The following PEPD variants were observed in gnomAD, a reference collection of about 807,000 sequenced individuals.
PEPD encodes the protein xaa-Pro dipeptidase.
PEPD carries 53 observed loss-of-function variants against 60.7 expected under a neutral mutation model. The observed-to-expected ratio is 0.87, with a 90% confidence interval of 0.70 to 1.10. The LOEUF (loss-of-function observed/expected upper bound fraction) is 1.10. PEPD is among the 50% of genes least tolerant of loss of function. PEPD has a pLI of 0.00. For missense variants in PEPD, 711 were observed against 711.9 expected, an observed-to-expected ratio of 1.00 and a Z score of 0.01; for synonymous variants, 267 against 284.1, an observed-to-expected ratio of 0.94 and a Z score of 0.60.
In PEPD at chr19:33,401,840, C is replaced by G. The variant is rs1968501773; in HGVS notation, c.848G>C (p.Cys283Ser). 2 of 1,613,288 alleles carry G rather than the reference C, an allele frequency of 1.2e-6. No homozygotes were observed. Among genetic ancestry groups the G allele is most frequent in the Non-Finnish European group, 1.7e-6 (2 of 1,179,970 alleles). ...CLFDMGGEYY[C>S]FASDITCSFP... is the part of the protein sequence containing the mutation. ...GGAGCAGGTGATGTCGGAAGCGAAG[C>G]AGTAATACTCACCGCCCATGTCGAA... Residue 283 changes from cysteine (C) to serine (S), a missense_variant, in exon 12 of 15, where the codon TGC becomes TCC. Physicochemically the swap from Cys to Ser is moderately radical, Grantham distance 112. Coordinates refer to ENST00000244137, the MANE Select transcript of PEPD (RefSeq NM_000285.4).
chr19:33,387,189 C>A lies in PEPD; in HGVS notation c.*155G>T. ...GGTAATTAAAAAAGTGTTTCCTCCC[C>A]GGGAAACAGCACTGTTTGGTCTGAT... On this transcript the variant is annotated 3_prime_UTR_variant, in exon 15 of 15. Coordinates refer to ENST00000244137, the MANE Select transcript of PEPD (RefSeq NM_000285.4). 3.6e-6 allele frequency: 3 copies of A among 831,668 alleles called. No homozygotes were observed. The highest frequency in any genetic ancestry group is 2.5e-5 in the East Asian group (1 of 40,150). The allele number at this position is 831,668 out of a possible 1,614,324, so 51.5% of individuals were successfully genotyped here.
intron 9 of PEPD, among the ~76,000 whole-genome samples, chr19:33,447,281 A>C (rs555899336): frequency 1.6e-4 from 25 of 152,286 alleles, no homozygotes; most frequent in Admixed American, 1.6e-3. Context: ...CCAGTGCCGG[A>C]TGACTGTGGG....
intron 12 of PEPD, among the ~76,000 whole-genome samples, chr19:33,397,614 G>A (rs1414990471): frequency 2.0e-5 from 3 of 151,808 alleles, no homozygotes; most frequent in Non-Finnish European, 4.4e-5. Flanking sequence ...GGTGTGGGGG[G>A]GCTGCTGGGG....
chr19:33,510,623 G>A (rs1464204811), intron 3 of PEPD, among the ~76,000 whole-genome samples: 1 of 152,222 alleles, frequency 6.6e-6, no homozygotes, highest in Non-Finnish European at 1.5e-5. Context: ...CATGTTGCCA[G>A]GAACATGTGA....
At chr19:33,450,666 C>T (rs763512277) in intron 9 of PEPD, among the ~76,000 whole-genome samples, 23 of 152,110 alleles carry the variant, frequency 1.5e-4, no homozygotes, top group Non-Finnish European at 2.6e-4. Context: ...ACTAAATAAC[C>T]GTTGGTAAAA....
chr19:33,493,707 C>T (rs1482258151), intron 4 of PEPD, among the ~76,000 whole-genome samples: 1 of 152,120 alleles, frequency 6.6e-6, no homozygotes, highest in Non-Finnish European at 1.5e-5. Context: ...CCCGGGAACC[C>T]TTTAGGCTCC....
At chr19:33,438,950 G>C (rs1969431778) in intron 9 of PEPD, among the ~76,000 whole-genome samples, 1 of 152,172 alleles carries the variant, frequency 6.6e-6, no homozygotes, top group Admixed American at 6.5e-5. Context: ...GAACTCCTAA[G>C]CTCAAGTGAT....
chr19:33,463,365 G>T (rs1033138132), intron 8 of PEPD, among the ~76,000 whole-genome samples: 1 of 152,210 alleles, frequency 6.6e-6, no homozygotes, highest in Non-Finnish European at 1.5e-5. Flanking sequence ...TTAATGCCAC[G>T]AAAGCTATGA....
In PEPD at chr19:33,413,613, G is replaced by C. The variant is rs753617751; in HGVS notation, c.702C>G (p.Gly234=). The C allele has an allele frequency of 2.5e-6, 4 of 1,588,420 alleles. No individual in the cohort carries two copies. The highest frequency in any genetic ancestry group is 3.4e-6 in the Non-Finnish European group (4 of 1,167,044). ...AGGTGTAGGAGCTGTGGCGCATGCC[G>C]CCCCGGGAGTAGCAGTAGTGCTCGA... ...SLFEHYCYSR[G]GMRHSSYTCI... Residue 234 remains glycine (G), a synonymous_variant, in exon 10 of 15, where the codon GGC becomes GGG. Coordinates refer to ENST00000244137, the MANE Select transcript of PEPD (RefSeq NM_000285.4).
At chr19:33,441,315 C>T (rs1050100015) in intron 9 of PEPD, among the ~76,000 whole-genome samples, 5 of 152,220 alleles carry the variant, frequency 3.3e-5, no homozygotes, top group African/African-American at 1.2e-4. Context: ...GCCACATGCA[C>T]CTCATTACAA....
chr19:33,458,141 G>A (rs1347004592), intron 9 of PEPD, among the ~76,000 whole-genome samples: 2 of 151,818 alleles, frequency 1.3e-5, no homozygotes, highest in African/African-American at 4.8e-5. Context: ...GGTATGTATG[G>A]TGTGGTGTGT....
intron 10 of PEPD, among the ~76,000 whole-genome samples, chr19:33,412,407 C>T (rs540342142): frequency 5.9e-5 from 9 of 152,274 alleles, no homozygotes; most frequent in Non-Finnish European, 8.8e-5. Context: ...AAGGGCCCTA[C>T]GGAACCCCTC....
chr19:33,492,904 G>A (rs972803901), intron 5 of PEPD, among the ~76,000 whole-genome samples: 5 of 152,002 alleles, frequency 3.3e-5, no homozygotes, highest in Non-Finnish European at 7.4e-5. Flanking sequence ...TTGAGACAGG[G>A]TCCTGTCTGT....
At chr19:33,505,726 C>T (rs749655003) in intron 3 of PEPD, among the ~76,000 whole-genome samples, 5 of 150,974 alleles carry the variant, frequency 3.3e-5, no homozygotes, top group Admixed American at 3.3e-4. Flanking sequence ...CAACACGGCA[C>T]ACTCACACCC....
chr19:33,471,671 A>T (rs117524293), intron 7 of PEPD, among the ~76,000 whole-genome samples: 1,683 of 152,328 alleles, frequency 0.011, 26 homozygotes, highest in South Asian at 0.071. Context: ...CCAGGAAGCA[A>T]CAGAGAATCA....
chr19:33,458,923 G>A (rs373550420), intron 9 of PEPD, among the ~76,000 whole-genome samples: 5 of 151,528 alleles, frequency 3.3e-5, no homozygotes, highest in South Asian at 4.2e-4. Flanking sequence ...CCCTCAGGTC[G>A]TGTCCCCTCT....
At chr19:33,501,284 C>T (rs1970708616) in intron 3 of PEPD, among the ~76,000 whole-genome samples, 1 of 152,234 alleles carries the variant, frequency 6.6e-6, no homozygotes, top group African/African-American at 2.4e-5. Context: ...AGACAAAACC[C>T]CTATCATCCC....
intron 5 of PEPD, 27 bp downstream of exon 5, chr19:33,493,263 C>T (rs1970534391): frequency 6.4e-7 from 1 of 1,572,016 alleles, no homozygotes; most frequent in South Asian, 1.1e-5. Context: ...CCAAGCACTG[C>T]CCCACCCCTG....
rs147121066 is a variant in PEPD at position 33,396,771 on chromosome 19, G to A, written c.967+4950C>T. 3.6e-3 allele frequency among the ~76,000 whole-genome samples: 547 copies of A among 152,222 alleles called. 4 individuals carry two copies. The highest frequency in any genetic ancestry group is 5.7e-3 in the Non-Finnish European group (388 of 67,982). On this transcript the variant is annotated intron_variant, in intron 12 of 14. Transcript: ENST00000244137. ...GGAGGCGAGGCTACAGGAGGCTCTGGGGCTTGCAGGCGGAGGGCATGGGGC... is the reference window on the plus strand; with the variant it reads ...GGAGGCGAGGCTACAGGAGGCTCTGAGGCTTGCAGGCGGAGGGCATGGGGC...
Sources: gnomAD v4.1 joint callset for allele counts (sites outside exome capture counted in the v4.1 genomes callset) on GRCh38, gnomAD v4.1.1 for gene constraint, MANE v1.5 for transcripts, NCBI Gene and HGNC (gene_info 2026-07-23, HGNC 2026-07-21) for gene names.